The following TMEM132D variants were observed in gnomAD, a reference collection of about 807,000 sequenced individuals.
TMEM132D encodes transmembrane protein 132D.
Under a neutral mutation model 62.3 loss-of-function variants are expected in TMEM132D, and 21 were observed. That is an observed-to-expected ratio of 0.34 (90% CI 0.24 to 0.49). TMEM132D has a LOEUF of 0.49. Among genes scored for constraint, TMEM132D ranks in the 20% least tolerant of loss-of-function variants. TMEM132D has a pLI of 0.99. For missense variants in TMEM132D, 1,346 were observed against 1,402.8 expected (o/e 0.96, Z 0.65); for synonymous variants, 621 against 575.6 (o/e 1.08, Z -1.13).
chr12:129,122,451 G>A (rs577307635), intron 5 of TMEM132D, among the ~76,000 whole-genome samples: 1 of 152,308 alleles, frequency 6.6e-6, no homozygotes, highest in South Asian at 2.1e-4. Flanking sequence ...TGAATTTGCT[G>A]CTAGACACCA....
At chr12:129,593,836 A>T (rs1003329655) in intron 2 of TMEM132D, among the ~76,000 whole-genome samples, 2 of 151,358 alleles carry the variant, frequency 1.3e-5, no homozygotes, top group African/African-American at 2.4e-5. Flanking sequence ...CTTGACATGT[A>T]TTTTTTTTAA....
rs182029726 is a variant in TMEM132D at position 129,657,009 on chromosome 12, C to T, written c.968+42801G>A. On this transcript the variant is annotated intron_variant, in intron 2 of 8. Coordinates refer to ENST00000422113, the MANE Select transcript of TMEM132D (RefSeq NM_133448.3). ...GTGGATTTGTAAATATCTACTGTCT[C>T]AAAGATATAAAACAGATGAACTGAA... Among the ~76,000 whole-genome samples, 8 of 152,236 alleles carry T rather than the reference C, an allele frequency of 5.3e-5. No homozygotes were observed. In the East Asian group the frequency reaches 1.5e-3, roughly 29 times the overall value.
At chr12:129,118,121 C>A (rs1034466172) in intron 5 of TMEM132D, among the ~76,000 whole-genome samples, 7 of 152,196 alleles carry the variant, frequency 4.6e-5, no homozygotes, top group African/African-American at 1.4e-4. Context: ...TTGGTATGTT[C>A]TGTGCTTTTC....
At position 129,105,466 on chromosome 12, in the gene TMEM132D, C is replaced by T. The variant is rs139394644; in HGVS notation, c.1444-20764G>A. On this transcript the variant is annotated intron_variant, in intron 5 of 8. Coordinates refer to ENST00000422113, the MANE Select transcript of TMEM132D (RefSeq NM_133448.3). ...CTAGATGACGAGTTAGTGGGTGCAG[C>T]GCACCAGCATGGCACATGTATACAT... Among the ~76,000 whole-genome samples the T allele has an allele frequency of 9.3e-3, 1,312 of 141,654 alleles. 70 individuals are homozygous for T. The highest frequency in any genetic ancestry group is 0.034 in the African/African-American group (1,208 of 35,844). 92.9% of individuals were successfully genotyped at this position (141,654 alleles called of 152,430 possible). A position where few individuals can be genotyped will look rare whatever the true frequency, so the allele number is the denominator to read the frequency against.
chr12:129,460,328 C>T (rs1370341913), intron 3 of TMEM132D, among the ~76,000 whole-genome samples: 2 of 152,168 alleles, frequency 1.3e-5, no homozygotes, highest in Non-Finnish European at 2.9e-5. Context: ...CACACATCTC[C>T]TCAATTTCTC....
intron 3 of TMEM132D, among the ~76,000 whole-genome samples, chr12:129,344,921 A>G (rs1167359069): frequency 1.3e-5 from 2 of 152,084 alleles, no homozygotes; most frequent in Non-Finnish European, 2.9e-5. Flanking sequence ...GAGCAGTAAG[A>G]TTAGATAGAT....
At chr12:129,222,481 C>G (rs1189772269) in intron 4 of TMEM132D, among the ~76,000 whole-genome samples, 3 of 152,216 alleles carry the variant, frequency 2.0e-5, no homozygotes, top group Non-Finnish European at 4.4e-5. Flanking sequence ...CTATATTCCC[C>G]TTTTTTGATA....
intron 2 of TMEM132D, among the ~76,000 whole-genome samples, chr12:129,615,067 C>T (rs1043098168): frequency 6.6e-6 from 1 of 152,092 alleles, no homozygotes; most frequent in Non-Finnish European, 1.5e-5. Context: ...TACCTAACAG[C>T]GTATTATATG....
At chr12:129,240,321 A>C (rs192457622) in intron 4 of TMEM132D, among the ~76,000 whole-genome samples, 1 of 152,318 alleles carries the variant, frequency 6.6e-6, no homozygotes, top group Admixed American at 6.5e-5. Context: ...AAGTTTGTTC[A>C]ATGATAGTCT....
intron 2 of TMEM132D, among the ~76,000 whole-genome samples, chr12:129,565,578 G>C (rs1429456509): frequency 6.6e-6 from 1 of 152,224 alleles, no homozygotes; most frequent in Non-Finnish European, 1.5e-5. Context: ...CCTTGGCTGA[G>C]AGGAGGGGGT....
At chr12:129,762,185 T>C (rs1870401219) in intron 1 of TMEM132D, among the ~76,000 whole-genome samples, 1 of 152,170 alleles carries the variant, frequency 6.6e-6, no homozygotes, top group Non-Finnish European at 1.5e-5. Context: ...TTTTTTCTAC[T>C]GTCTAAACCG....
intron 4 of TMEM132D, among the ~76,000 whole-genome samples, chr12:129,272,574 T>TG (rs1880882316): frequency 2.0e-5 from 3 of 151,894 alleles, no homozygotes; most frequent in African/African-American, 7.3e-5. Flanking sequence ...TTATATGTGT[T>TG]GGCTGCACGG....
Position 129,481,685 on chromosome 12 carries a change from G to A in TMEM132D, c.1115+49374C>T, listed in dbSNP as rs575312694. On this transcript the variant is annotated intron_variant, in intron 3 of 8. Coordinates refer to ENST00000422113, the MANE Select transcript of TMEM132D (RefSeq NM_133448.3). ...ACATTTGCTATGAGCATCAATTTAG[G>A]AAATGAGCTCTCTTATACATTACTG... is the stretch of plus-strand genomic sequence containing the variant. 4.7e-3 allele frequency among the ~76,000 whole-genome samples: 710 copies of A among 152,302 alleles called. 3 individuals carry two copies. The highest frequency in any genetic ancestry group is 0.014 in the South Asian group (67 of 4,826).
chr12:129,764,285 G>T (rs1205740403), intron 1 of TMEM132D, among the ~76,000 whole-genome samples: 1 of 152,106 alleles, frequency 6.6e-6, no homozygotes, highest in Non-Finnish European at 1.5e-5. Flanking sequence ...TTCAGCATAG[G>T]AAAGGAAGAA....
intron 3 of TMEM132D, among the ~76,000 whole-genome samples, chr12:129,448,167 G>A (rs79470065): frequency 0.036 from 5,460 of 152,190 alleles, 259 homozygotes; most frequent in African/African-American, 0.11. Context: ...CATACAGTGT[G>A]GTGCCCATTA....
intron 5 of TMEM132D, among the ~76,000 whole-genome samples, chr12:129,113,522 T>G (rs1158553652): frequency 6.6e-6 from 1 of 151,976 alleles, no homozygotes; most frequent in African/African-American, 2.4e-5. Flanking sequence ...GCTTACACAC[T>G]GGGGGAAAAA....
intron 1 of TMEM132D, among the ~76,000 whole-genome samples, chr12:129,764,619 A>G (rs1157648136): frequency 2.0e-5 from 3 of 151,820 alleles, no homozygotes; most frequent in Non-Finnish European, 2.9e-5. Context: ...TGTTTATGTG[A>G]TTAGAAAACT....
At chr12:129,206,549 C>A (rs1029726951) in intron 5 of TMEM132D, among the ~76,000 whole-genome samples, 5 of 152,164 alleles carry the variant, frequency 3.3e-5, no homozygotes, top group African/African-American at 1.2e-4. Flanking sequence ...TTTGGTGATT[C>A]CTCAAAGAGC....
intron 3 of TMEM132D, among the ~76,000 whole-genome samples, chr12:129,423,272 C>T (rs1872383464): frequency 1.3e-5 from 2 of 152,170 alleles, no homozygotes; most frequent in East Asian, 1.9e-4. Flanking sequence ...TTTTCCTACA[C>T]ATAAACAGGA....
Sources: gnomAD v4.1 joint callset for allele counts (sites outside exome capture counted in the v4.1 genomes callset) on GRCh38, gnomAD v4.1.1 for gene constraint, MANE v1.5 for transcripts, NCBI Gene and HGNC (gene_info 2026-07-23, HGNC 2026-07-21) for gene names.